ZNF827: variants seen among roughly 807,000 people sequenced by gnomAD.
The protein encoded by ZNF827 is zinc finger protein 827.
ZNF827 carries 13 observed loss-of-function variants against 102.4 expected under a neutral mutation model. That is an observed-to-expected ratio of 0.13 (90% CI 0.08 to 0.20). The LOEUF is 0.20. Among genes scored for constraint, ZNF827 ranks in the 10% least tolerant of loss-of-function variants. The pLI is 1.00. For missense variants in ZNF827, 1,103 were observed against 1,344.4 expected, an observed-to-expected ratio of 0.82 and a Z score of 2.81; for synonymous variants, 523 against 536.2, an observed-to-expected ratio of 0.98 and a Z score of 0.34.
chr4:145,867,827 G>A (rs1748339151), intron 5 of ZNF827, among the ~76,000 whole-genome samples: 1 of 152,202 alleles, frequency 6.6e-6, no homozygotes, highest in Non-Finnish European at 1.5e-5. Flanking sequence ...CAAACTGGTG[G>A]TGTAGCCCTG....
chr4:145,792,480 T>C (rs565069427), intron 8 of ZNF827, among the ~76,000 whole-genome samples: 1 of 152,290 alleles, frequency 6.6e-6, no homozygotes, highest in African/African-American at 2.4e-5. Flanking sequence ...AAATGGACTT[T>C]TGGCTCACAA....
At chr4:145,810,993 C>CTTTTTTT (rs34011180) in intron 8 of ZNF827, among the ~76,000 whole-genome samples, 1 of 137,974 alleles carries the variant, frequency 7.2e-6, no homozygotes, top group Non-Finnish European at 1.6e-5. Flanking sequence ...ACTCATTTCG[C>CTTTTTTT]TTTTTTTTTT....
chr4:145,854,583 A>G (rs1453363895), intron 5 of ZNF827, among the ~76,000 whole-genome samples: 2 of 152,152 alleles, frequency 1.3e-5, no homozygotes, highest in African/African-American at 2.4e-5. Context: ...TCTGTCCCAC[A>G]GAAAGCCTCA....
At chr4:145,883,437 G>T (rs1346391896) in intron 4 of ZNF827, among the ~76,000 whole-genome samples, 1 of 152,158 alleles carries the variant, frequency 6.6e-6, no homozygotes, top group African/African-American at 2.4e-5. Context: ...ATAAGGCTTT[G>T]ATGCGCAATT....
Position 145,902,110 on chromosome 4 carries a change from A to G in ZNF827, c.1093+56T>C, listed in dbSNP as rs1751461808. 1.3e-6 allele frequency: 2 copies of G among 1,521,222 alleles called. No homozygotes were observed. Among genetic ancestry groups the G allele is most frequent in the Non-Finnish European group, 1.8e-6 (2 of 1,136,988 alleles). 94.2% of individuals were successfully genotyped at this position (1,521,222 alleles called of 1,614,324 possible). On this transcript the variant is annotated intron_variant, in intron 2 of 14. Coordinates refer to ENST00000508784, the MANE Select transcript of ZNF827 (RefSeq NM_001306215.2). This position sits in a 1 kb window ranked among gnomAD's most constrained non-coding sequence, Gnocchi z 4.3. ...AACTGAAAAAAGCAATGAATAAGAC[A>G]TCGCAGTTTATAGTCTAAAGGACTT...
At position 145,761,477 on chromosome 4, in the gene ZNF827, G is replaced by C; in HGVS notation, c.*139C>G. ...CGGTGCTCCCGGGTGTGCGTCTCCA[G>C]CTCCAGCTGGTTGGCCTTCACCGTC... On this transcript the variant is annotated 3_prime_UTR_variant, in exon 15 of 15. Transcript: ENST00000508784. This position sits in a 1 kb window ranked among gnomAD's most constrained non-coding sequence, Gnocchi z 6.8. 7.8e-7 allele frequency: 1 copy of C among 1,289,854 alleles called. No individual in the cohort carries two copies. Among genetic ancestry groups the C allele is most frequent in the Non-Finnish European group, 1.0e-6 (1 of 988,862 alleles). The allele number at this position is 1,289,854 out of a possible 1,614,324, so 79.9% of individuals were successfully genotyped here. A position where few individuals can be genotyped will look rare whatever the true frequency, so the allele number is the denominator to read the frequency against.
At chr4:145,786,460 C>T (rs190946835) in intron 8 of ZNF827, among the ~76,000 whole-genome samples, 12 of 152,294 alleles carry the variant, frequency 7.9e-5, no homozygotes, top group Admixed American at 7.2e-4. Flanking sequence ...GCTCTGGGGC[C>T]GCTTGGGTTT....
At chr4:145,821,996 T>C (rs1023214994) in intron 8 of ZNF827, among the ~76,000 whole-genome samples, 1 of 152,144 alleles carries the variant, frequency 6.6e-6, no homozygotes, top group Non-Finnish European at 1.5e-5. Context: ...ATTTTGACAT[T>C]AGAAAGTCAC....
At chr4:145,879,374 T>C (rs954771702) in intron 4 of ZNF827, among the ~76,000 whole-genome samples, 51 of 152,324 alleles carry the variant, frequency 3.3e-4, no homozygotes, top group African/African-American at 1.1e-3. Context: ...AAAATAATAA[T>C]AGTAGAAGCA....
At chr4:145,834,512 C>T (rs976291167) in intron 7 of ZNF827, among the ~76,000 whole-genome samples, 11 of 152,140 alleles carry the variant, frequency 7.2e-5, no homozygotes, top group African/African-American at 2.7e-4. Flanking sequence ...CTCCTCACAC[C>T]TGGTCCGGCT....
At chr4:145,922,523 G>C (rs1005940675) in intron 1 of ZNF827, among the ~76,000 whole-genome samples, 1 of 152,138 alleles carries the variant, frequency 6.6e-6, no homozygotes, top group African/African-American at 2.4e-5. Flanking sequence ...AAGGAGAAAA[G>C]CCCTGCCAGT....
chr4:145,910,618 T>C (rs1752214878), intron 1 of ZNF827, among the ~76,000 whole-genome samples: 1 of 152,194 alleles, frequency 6.6e-6, no homozygotes, highest in Admixed American at 6.5e-5. Flanking sequence ...CCAACTGGTC[T>C]CCTCACTTCC....
intron 8 of ZNF827, among the ~76,000 whole-genome samples, chr4:145,793,889 C>A (rs1740096519): frequency 6.6e-6 from 1 of 152,106 alleles, no homozygotes; most frequent in South Asian, 2.1e-4. Flanking sequence ...TCATAGAGAA[C>A]TTGAGATGTG....
In ZNF827 at chr4:145,765,849, C is replaced by T. The variant is rs1735206255; in HGVS notation, c.2861-111G>A. 4.5e-6 allele frequency: 5 copies of T among 1,103,132 alleles called. No homozygotes were observed. The highest frequency in any genetic ancestry group is 5.1e-6 in the Non-Finnish European group (4 of 783,594). The allele number at this position is 1,103,132 out of a possible 1,614,324, so 68.3% of individuals were successfully genotyped here. On this transcript the variant is annotated intron_variant, in intron 11 of 14. Transcript: ENST00000508784. The surrounding 1 kb of genome is among the most constrained non-coding windows in gnomAD (Gnocchi z 4.7). ...TGGATGCATCATCATTCTGGGGGCA[C>T]AGGCTCATGTCCCCAGCTCCCCCAC...
At chr4:145,879,581 T>A (rs1749494692) in intron 4 of ZNF827, among the ~76,000 whole-genome samples, 2 of 152,208 alleles carry the variant, frequency 1.3e-5, no homozygotes, top group African/African-American at 4.8e-5. Flanking sequence ...ATTCCAGTCA[T>A]GACTCTTTTA....
In ZNF827 at chr4:145,780,834, G is replaced by C. The variant is rs1046349847; in HGVS notation, c.2384-1323C>G. 3.9e-5 allele frequency among the ~76,000 whole-genome samples: 6 copies of C among 152,280 alleles called. No individual in the cohort carries two copies. The South Asian group carries it at 1.2e-3, about 32-fold the overall frequency. On this transcript the variant is annotated intron_variant, in intron 8 of 14. Transcript: ENST00000508784. Reference sequence around the variant, plus strand: ...GCAAATCTCCTTAAAGCTCAGTACTGCATTATAGAACTGGACACCATGTGG... The same window carrying C: ...GCAAATCTCCTTAAAGCTCAGTACTCCATTATAGAACTGGACACCATGTGG...
At chr4:145,817,645 C>T (rs1029466878) in intron 8 of ZNF827, among the ~76,000 whole-genome samples, 5 of 152,162 alleles carry the variant, frequency 3.3e-5, no homozygotes, top group African/African-American at 7.2e-5. Context: ...TCTAAACACA[C>T]GGAGATTATA....
At chr4:145,911,379 G>A (rs1021652961) in intron 1 of ZNF827, among the ~76,000 whole-genome samples, 1 of 152,188 alleles carries the variant, frequency 6.6e-6, no homozygotes, top group African/African-American at 2.4e-5. Flanking sequence ...ATGCTTTGGA[G>A]AAACATGTAC....
chr4:145,776,547 C>A (rs1365764448), intron 9 of ZNF827, among the ~76,000 whole-genome samples: 1 of 151,348 alleles, frequency 6.6e-6, no homozygotes, highest in African/African-American at 2.4e-5. Context: ...GCCCATTTTC[C>A]TGATAAGGTA....
Sources: allele counts gnomAD v4.1 joint callset (sites outside exome capture counted in the v4.1 genomes callset), GRCh38; gene constraint gnomAD v4.1.1; non-coding constraint Gnocchi (gnomAD v3.1); transcripts MANE v1.5; gene names NCBI Gene and HGNC (gene_info 2026-07-23, HGNC 2026-07-21).